MGAT4C: variants seen among roughly 807,000 people sequenced by gnomAD.
MGAT4C encodes MGAT4 family member C.
A neutral mutation model predicts 40.1 loss-of-function variants in MGAT4C; 19 were observed. The observed-to-expected ratio is 0.47, with a 90% CI of 0.33 to 0.70. The LOEUF is 0.70. Among genes scored for constraint, MGAT4C ranks in the 30% least tolerant of loss-of-function variants. The pLI is 0.02. For synonymous variants in MGAT4C, 181 were observed against 187.1 expected, an observed-to-expected ratio of 0.97 and a Z score of 0.27; for missense variants, 491 against 563.2, an observed-to-expected ratio of 0.87 and a Z score of 1.30.
intron 1 of MGAT4C, among the ~76,000 whole-genome samples, chr12:86,155,985 G>A (rs547392897): frequency 2.2e-4 from 33 of 152,130 alleles, no homozygotes; most frequent in African/African-American, 8.0e-4. Flanking sequence ...AAAAGTTACA[G>A]CATATTGCCC....
chr12:86,341,179 C>A (rs190321947), intron 3 of MGAT4C, among the ~76,000 whole-genome samples: 4 of 152,214 alleles, frequency 2.6e-5, no homozygotes, highest in African/African-American at 9.6e-5. Context: ...GCCCACCTGG[C>A]AGCAACATGG....
At chr12:86,516,273 G>C (rs1309671369) in intron 2 of MGAT4C, among the ~76,000 whole-genome samples, 1 of 152,108 alleles carries the variant, frequency 6.6e-6, no homozygotes, top group Non-Finnish European at 1.5e-5. Flanking sequence ...AAGTATAATT[G>C]AGATTCCAAG....
intron 2 of MGAT4C, among the ~76,000 whole-genome samples, chr12:86,577,536 A>G (rs1390678918): frequency 6.6e-6 from 1 of 151,792 alleles, no homozygotes; most frequent in African/African-American, 2.4e-5. Context: ...TTCAGCATCA[A>G]CTGAAATGGT....
intron 1 of MGAT4C, among the ~76,000 whole-genome samples, chr12:86,234,427 T>C (rs1026941259): frequency 1.3e-5 from 2 of 152,196 alleles, no homozygotes; most frequent in Admixed American, 6.5e-5. Context: ...CATTGCACTT[T>C]GTATGCACAC....
chr12:86,218,161 A>C (rs1345899840), intron 1 of MGAT4C, among the ~76,000 whole-genome samples: 3 of 151,956 alleles, frequency 2.0e-5, no homozygotes, highest in Non-Finnish European at 2.9e-5. Flanking sequence ...ATAACTTTCT[A>C]TGCTTTGTAT....
chr12:85,987,621 C>T (rs1592615358), intron 3 of MGAT4C, among the ~76,000 whole-genome samples: 1 of 152,286 alleles, frequency 6.6e-6, no homozygotes, highest in Non-Finnish European at 1.5e-5. Flanking sequence ...TTAGATAGCA[C>T]TGTAAACATT....
intron 1 of MGAT4C, among the ~76,000 whole-genome samples, chr12:86,768,749 G>C (rs1274809072): frequency 6.6e-6 from 1 of 152,070 alleles, no homozygotes; most frequent in Non-Finnish European, 1.5e-5. Context: ...ACAAACCTGA[G>C]AAAAACGAGC....
In MGAT4C at chr12:86,233,886, CTATTA is replaced by C. The variant is rs528030618; in HGVS notation, c.-57+22348_-57+22352del. ...ACAGCTCAGCTCTGTTTGTTTTATT[CTATTA>C]TGACTTGAAAAGTTTGTGATTTATT... On this transcript the variant is annotated intron_variant, in intron 1 of 4. Coordinates refer to ENST00000611864, the MANE Select transcript of MGAT4C (RefSeq NM_001351288.2). Among the ~76,000 whole-genome samples, 22 of 152,062 alleles carry C rather than the reference CTATTA, an allele frequency of 1.4e-4. No individual in the cohort carries two copies. In the East Asian group the frequency reaches 4.1e-3, roughly 28 times the overall value.
chr12:86,239,905 T>C (rs1311871584), intron 1 of MGAT4C, among the ~76,000 whole-genome samples: 2 of 147,848 alleles, frequency 1.4e-5, no homozygotes, highest in African/African-American at 4.9e-5. Flanking sequence ...AGGGATAGCA[T>C]TGGGAGATAT....
intron 1 of MGAT4C, among the ~76,000 whole-genome samples, chr12:86,732,547 G>A (rs547267696): frequency 2.0e-4 from 31 of 152,190 alleles, no homozygotes; most frequent in Middle Eastern, 6.8e-3. Flanking sequence ...CTCATAAGGC[G>A]TGTGCAACCT....
At position 85,960,302 on chromosome 12, in the gene MGAT4C, A is replaced by AG. The variant is rs1883043312; in HGVS notation, c.*18986dup. ...AAGGAAGTGATTTTCTCATTGAATA[A>AG]GAGAATCCGAACTGGCATCGAGGAT... On this transcript the variant is annotated 3_prime_UTR_variant, in exon 5 of 5. Transcript: ENST00000611864. 1 of 152,064 alleles carries AG rather than the reference A, an allele frequency of 6.6e-6. No individual in the cohort carries two copies. The highest frequency in any genetic ancestry group is 2.4e-5 in the African/African-American group (1 of 41,460). The allele number at this position is 152,064 out of a possible 1,614,324, so 9.4% of individuals were successfully genotyped here. A position where few individuals can be genotyped will look rare whatever the true frequency, so the allele number is the denominator to read the frequency against.
chr12:85,968,415 A>G lies in MGAT4C; in HGVS notation c.*10874T>C, dbSNP rs1883463066. ...ACTCAGGAAAACAGATCACTTACGTAGTTCTCCAAAAACGAGAGTCCCAGA... is the reference window on the plus strand; with the variant it reads ...ACTCAGGAAAACAGATCACTTACGTGGTTCTCCAAAAACGAGAGTCCCAGA... On this transcript the variant is annotated 3_prime_UTR_variant, in exon 5 of 5. Coordinates refer to ENST00000611864, the MANE Select transcript of MGAT4C (RefSeq NM_001351288.2). 6.6e-6 allele frequency: 1 copy of G among 152,008 alleles called. No homozygotes were observed. The highest frequency in any genetic ancestry group is 1.5e-5 in the Non-Finnish European group (1 of 67,924). The allele number at this position is 152,008 out of a possible 1,614,324, so 9.4% of individuals were successfully genotyped here.
intron 4 of MGAT4C, among the ~76,000 whole-genome samples, chr12:86,289,613 T>A (rs541100542): frequency 6.6e-6 from 1 of 152,298 alleles, no homozygotes; most frequent in South Asian, 2.1e-4. Context: ...CTTGTAGAGA[T>A]CATTCACCTC....
intron 2 of MGAT4C, among the ~76,000 whole-genome samples, chr12:86,623,663 T>A (rs1962710446): frequency 6.6e-6 from 1 of 152,166 alleles, no homozygotes; most frequent in Non-Finnish European, 1.5e-5. Flanking sequence ...CAGAATATGA[T>A]CATCTGAAAA....
intron 4 of MGAT4C, among the ~76,000 whole-genome samples, chr12:86,299,409 G>A (rs1172639831): frequency 6.6e-6 from 1 of 152,148 alleles, no homozygotes; most frequent in Admixed American, 6.5e-5. Context: ...GAGCCACTGT[G>A]CCTGGCCTCT....
intron 2 of MGAT4C, among the ~76,000 whole-genome samples, chr12:86,682,489 C>T (rs1950000787): frequency 3.9e-5 from 6 of 152,014 alleles, no homozygotes; most frequent in Admixed American, 3.9e-4. Context: ...AGTCTTGATC[C>T]TTTGCATTGG....
intron 3 of MGAT4C, among the ~76,000 whole-genome samples, chr12:86,358,670 T>A (rs1341475314): frequency 6.6e-6 from 1 of 152,102 alleles, no homozygotes; most frequent in African/African-American, 2.4e-5. Context: ...AAAGCAGGGT[T>A]GCAATCCTAG....
chr12:86,686,971 T>TTTG (rs1002467030), intron 2 of MGAT4C, among the ~76,000 whole-genome samples: 2 of 152,016 alleles, frequency 1.3e-5, no homozygotes, highest in African/African-American at 2.4e-5. Flanking sequence ...TCCTGGGCTT[T>TTTG]TTGTTGTTGT....
At chr12:86,369,979 C>A (rs1955685107) in intron 3 of MGAT4C, among the ~76,000 whole-genome samples, 2 of 151,864 alleles carry the variant, frequency 1.3e-5, no homozygotes, top group South Asian at 4.1e-4. Flanking sequence ...TTAGTCCTAA[C>A]TTACATATTT....
Sources: allele counts gnomAD v4.1 joint callset (sites outside exome capture counted in the v4.1 genomes callset), GRCh38; gene constraint gnomAD v4.1.1; transcripts MANE v1.5; gene names NCBI Gene and HGNC (gene_info 2026-07-23, HGNC 2026-07-21).